SIRPB2: variants seen among roughly 807,000 people sequenced by gnomAD.
SIRPB2 encodes signal-regulatory protein beta-2.
In SIRPB2, 18 loss-of-function variants were observed where a neutral mutation model predicts 27.1. That is an observed-to-expected ratio of 0.66 (90% CI 0.46 to 0.98). The LOEUF (loss-of-function observed/expected upper bound fraction) is 0.98. Ranked by LOEUF, SIRPB2 falls within the 50% of genes least tolerant of loss-of-function variation. SIRPB2 has a pLI of 0.00. For missense variants in SIRPB2, 420 were observed against 417.4 expected, an observed-to-expected ratio of 1.01 and a Z score of -0.06; for synonymous variants, 150 against 164.6, an observed-to-expected ratio of 0.91 and a Z score of 0.68.
chr20:1,483,014 T>C (rs1315095208), intron 1 of SIRPB2, among the ~76,000 whole-genome samples: 1 of 152,192 alleles, frequency 6.6e-6, no homozygotes, highest in Non-Finnish European at 1.5e-5. Flanking sequence ...TTTTAGATTT[T>C]TGAGAAATCT....
intron 2 of SIRPB2, 133 bp from the exon 3 acceptor site, chr20:1,478,740 T>G: frequency 1.4e-6 from 1 of 708,720 alleles, no homozygotes. Flanking sequence ...GCTTTCTTTA[T>G]TACTCACCAG....
At chr20:1,484,249 G>A (rs1300468413) in intron 1 of SIRPB2, among the ~76,000 whole-genome samples, 2 of 151,700 alleles carry the variant, frequency 1.3e-5, no homozygotes, top group Non-Finnish European at 3.0e-5. Flanking sequence ...AAACTACTAG[G>A]AGAAAACAGG....
Position 1,475,781 on chromosome 20 carries a change from T to TTAAAGAA in SIRPB2, c.*385_*386insTTCTTTA. On this transcript the variant is annotated 3_prime_UTR_variant, in exon 5 of 5. Transcript: ENST00000359801. ...GAGGGGCACAGATGGTCTGGCTGGT[T>TTAAAGAA]GAGTTCAGAGATTCTTACAGACATC... The TTAAAGAA allele has an allele frequency of 7.3e-6, 1 of 137,440 alleles. No homozygotes were observed. Among genetic ancestry groups the TTAAAGAA allele is most frequent in the Non-Finnish European group, 1.6e-5 (1 of 64,188 alleles). The allele number at this position is 137,440 out of a possible 1,614,324, so 8.5% of individuals were successfully genotyped here.
At position 1,491,293 on chromosome 20, in the gene SIRPB2, G is replaced by A. The variant is rs1461851445; in HGVS notation, c.67C>T (p.Leu23=). ...CACTTACCTGAGGGGACAAGGACCA[G>A]TGCCAGCAGCAGGAAGCAGGGAGGC... The part of the protein sequence containing the change: ...HLPPCFLLLA[L]VLVPSDASGQ... The change falls in exon 1 of 5, where the codon CTG becomes TTG. Residue 23 remains leucine, a synonymous_variant. Coordinates refer to ENST00000359801, the MANE Select transcript of SIRPB2 (RefSeq NM_001122962.2). 1.6e-5 allele frequency: 25 copies of A among 1,611,824 alleles called. No homozygotes were observed. The South Asian group carries it at 2.5e-4, about 16-fold the overall frequency.
At chr20:1,473,723 G>A (rs2090589511), downstream of SIRPB2, 1 of 409,408 alleles carries the variant, frequency 2.4e-6, no homozygotes, top group African/African-American at 2.1e-5. Flanking sequence ...AGGTCAGAGG[G>A]GGTGGCAGGG....
At chr20:1,487,668 A>G (rs1600025656) in intron 1 of SIRPB2, among the ~76,000 whole-genome samples, 2 of 152,208 alleles carry the variant, frequency 1.3e-5, no homozygotes, top group South Asian at 4.1e-4. Context: ...AGGTCTCGCT[A>G]TGTTTTCCAG....
At chr20:1,479,517 T>C (rs2090644547) in intron 2 of SIRPB2, 183 bp downstream of exon 2, 1 of 921,812 alleles carries the variant, frequency 1.1e-6, no homozygotes, top group Non-Finnish European at 1.6e-6. Flanking sequence ...CAGCCTGGGC[T>C]CTGGCATGAG....
rs540297579 is a variant in SIRPB2 at position 1,479,836 on chromosome 20, T to A, written c.315A>T (p.Pro105=). 1.5e-5 allele frequency: 24 copies of A among 1,614,256 alleles called. No homozygotes were observed. In the East Asian group the frequency reaches 4.9e-4, roughly 33 times the overall value. The change falls in exon 2 of 5, where the codon CCA becomes CCT. Residue 105 remains proline, a synonymous_variant. Coordinates refer to ENST00000359801, the MANE Select transcript of SIRPB2 (RefSeq NM_001122962.2). The part of the protein sequence containing the change: ...VMPMIQRTSE[P]LNCDYSIYIH... Reference sequence around the variant, plus strand: ...TATAGATGGAATAATCACAATTCAGTGGTTCTGATGTCCGTTGGATCATGG... The same window carrying A: ...TATAGATGGAATAATCACAATTCAGAGGTTCTGATGTCCGTTGGATCATGG...
downstream of SIRPB2, chr20:1,472,912 AC>A: frequency 6.6e-6 from 1 of 152,258 alleles, no homozygotes; most frequent in African/African-American, 2.4e-5. Context: ...TGTTCCTTGT[AC>A]TTTTCAGCTC....
intron 1 of SIRPB2, chr20:1,480,338 T>A: frequency 5.1e-6 from 2 of 391,056 alleles, no homozygotes; most frequent in Non-Finnish European, 9.2e-6. Context: ...TTCTTCACAA[T>A]GCTTCTGTAA....
chr20:1,478,758 A>G (rs1045757318), intron 2 of SIRPB2, 151 bp from the exon 3 acceptor site: 1 of 640,490 alleles, frequency 1.6e-6, no homozygotes, highest in Admixed American at 3.0e-5. Context: ...CAGTTGACTC[A>G]TTCAGTAAAA....
intron 1 of SIRPB2, among the ~76,000 whole-genome samples, chr20:1,489,411 G>A (rs372279826): frequency 9.9e-5 from 15 of 152,210 alleles, no homozygotes; most frequent in African/African-American, 3.1e-4. Context: ...TGAAGCCTGC[G>A]TGTGTGAGGA....
Position 1,479,871 on chromosome 20 carries a change from C to G in SIRPB2, c.280G>C (p.Gly94Arg). 1 of 1,614,220 alleles carries G rather than the reference C, an allele frequency of 6.2e-7. No homozygotes were observed. Among genetic ancestry groups the G allele is most frequent in the Non-Finnish European group, 8.5e-7 (1 of 1,180,048 alleles). ...GTCCGTTGGATCATGGGCATTACCCCAGGGAAGGAGCCACGTTTAAAGTTA... is the reference window on the plus strand; with the variant it reads ...GTCCGTTGGATCATGGGCATTACCCGAGGGAAGGAGCCACGTTTAAAGTTA... ...IYNFKRGSFP[G>R]VMPMIQRTSE... Residue 94 changes from glycine to arginine, a missense_variant, in exon 2 of 5, where the codon GGG becomes CGG. Transcript: ENST00000359801.
chr20:1,477,745 G>A (rs1348445776), intron 3 of SIRPB2, among the ~76,000 whole-genome samples: 2 of 152,164 alleles, frequency 1.3e-5, no homozygotes, highest in Non-Finnish European at 2.9e-5. Context: ...GTGCGATCTT[G>A]GCTCACTGCA....
chr20:1,480,230 CAG>C (rs1418617553), intron 1 of SIRPB2, 165 bp from the exon 2 acceptor site: 3 of 923,836 alleles, frequency 3.2e-6, no homozygotes, highest in African/African-American at 3.3e-5. Context: ...TGGCTGGCTG[CAG>C]AGAGAGAACT....
chr20:1,476,063 A>T lies in SIRPB2; in HGVS notation c.*104T>A, dbSNP rs951482509. 2.2e-6 allele frequency: 3 copies of T among 1,342,226 alleles called. No individual in the cohort carries two copies. The highest frequency in any genetic ancestry group is 2.6e-5 in the South Asian group (2 of 76,578). The allele number at this position is 1,342,226 out of a possible 1,614,324, so 83.1% of individuals were successfully genotyped here. A position where few individuals can be genotyped will look rare whatever the true frequency, so the allele number is the denominator to read the frequency against. On this transcript the variant is annotated 3_prime_UTR_variant, in exon 5 of 5. Coordinates refer to ENST00000359801, the MANE Select transcript of SIRPB2 (RefSeq NM_001122962.2). ...AGATGTAGGGATCTAGGAGTTTGTC[A>T]TGAGGCCTGGGGGCACCTAGAGGCT...
At chr20:1,479,418 A>G (rs2090643443) in intron 2 of SIRPB2, 1 of 463,128 alleles carries the variant, frequency 2.2e-6, no homozygotes, top group Non-Finnish European at 3.9e-6. Context: ...ATGTGAGTAG[A>G]TGCTTGAGGT....
intron 1 of SIRPB2, among the ~76,000 whole-genome samples, chr20:1,483,693 C>A (rs989721568): frequency 3.3e-5 from 5 of 152,142 alleles, no homozygotes; most frequent in African/African-American, 1.2e-4. Context: ...TGAATATTAT[C>A]TCTCATTCAG....
At chr20:1,476,969 C>T in intron 4 of SIRPB2, 1 of 1,217,078 alleles carries the variant, frequency 8.2e-7, no homozygotes, top group South Asian at 1.6e-5. Context: ...GGGGCGAGAA[C>T]CTGCCCATTA....
Sources: gnomAD v4.1 joint callset for allele counts (sites outside exome capture counted in the v4.1 genomes callset) on GRCh38, gnomAD v4.1.1 for gene constraint, MANE v1.5 for transcripts, NCBI Gene and HGNC (gene_info 2026-07-23, HGNC 2026-07-21) for gene names.